The following VPS13D variants were observed in gnomAD, a reference collection of about 807,000 sequenced individuals.
VPS13D encodes vacuolar protein sorting 13 homolog D, also known as intermembrane lipid transfer protein VPS13D.
Under a neutral mutation model 461.9 loss-of-function variants are expected in VPS13D, and 187 were observed. That is an observed-to-expected ratio of 0.40 (90% CI 0.36 to 0.46). VPS13D has a LOEUF of 0.46. VPS13D is among the 20% of genes least tolerant of loss of function. VPS13D has a pLI of 0.60. For synonymous variants in VPS13D, 1,951 were observed against 1,986.3 expected (o/e 0.98, Z 0.47); for missense variants, 4,711 against 5,364.9 (o/e 0.88, Z 3.81).
At chr1:12,504,977 T>C (rs1266406901) in intron 68 of VPS13D, among the ~76,000 whole-genome samples, 2 of 152,158 alleles carry the variant, frequency 1.3e-5, no homozygotes, top group East Asian at 1.9e-4. Flanking sequence ...GAGGTGGAAG[T>C]GCCTGTGCTG....
intron 13 of VPS13D, among the ~76,000 whole-genome samples, chr1:12,263,367 G>A (rs1303997125): frequency 6.6e-6 from 1 of 152,202 alleles, no homozygotes; most frequent in Non-Finnish European, 1.5e-5. Flanking sequence ...AGGTGGGAAT[G>A]TGCATATCAG....
At chr1:12,327,965 A>G in intron 36 of VPS13D, 111 bp downstream of exon 36, 1 of 1,052,404 alleles carries the variant, frequency 9.5e-7, no homozygotes, top group South Asian at 1.7e-5. Context: ...ATTTGGGTGA[A>G]ATTTAGATAA....
At chr1:12,374,852 C>T (rs1644176930) in intron 55 of VPS13D, among the ~76,000 whole-genome samples, 1 of 152,206 alleles carries the variant, frequency 6.6e-6, no homozygotes, top group Non-Finnish European at 1.5e-5. Flanking sequence ...ATTCTCCTGC[C>T]TCAGCCTCCC....
intron 24 of VPS13D, among the ~76,000 whole-genome samples, chr1:12,295,078 C>T (rs187928292): frequency 1.3e-3 from 188 of 148,804 alleles, no homozygotes; most frequent in African/African-American, 4.3e-3. Flanking sequence ...AGAAATTAGC[C>T]GGGTGTGGTG....
At chr1:12,348,721 TAGTA>T in intron 44 of VPS13D, 98 bp from the exon 45 acceptor site, 1 of 1,381,872 alleles carries the variant, frequency 7.2e-7, no homozygotes, top group Non-Finnish European at 9.9e-7. Flanking sequence ...AGAACTATAG[TAGTA>T]ATAAGACACT....
chr1:12,262,622 G>A (rs759585488), intron 13 of VPS13D, among the ~76,000 whole-genome samples: 2 of 152,140 alleles, frequency 1.3e-5, no homozygotes, highest in Non-Finnish European at 2.9e-5. Flanking sequence ...AGTATTCTGA[G>A]CACTTTTAAG....
intron 39 of VPS13D, chr1:12,337,988 GAAAAA>G: frequency 1.3e-5 from 4 of 297,038 alleles, no homozygotes; most frequent in Non-Finnish European, 2.5e-5. Context: ...TCTAATTCAG[GAAAAA>G]AAAAAAAAAA....
chr1:12,349,968 A>G (rs1643760192), intron 46 of VPS13D, among the ~76,000 whole-genome samples: 1 of 152,184 alleles, frequency 6.6e-6, no homozygotes, highest in Admixed American at 6.5e-5. Context: ...TTTTATAGTG[A>G]AGACAGGCAT....
In VPS13D at chr1:12,323,657, T is replaced by G. The variant is rs753619245; in HGVS notation, c.7916-49T>G. ...TTTTTTCTAAAATTAGTTTGTAGAT[T>G]AATTTACATAAAATTATTTATGAAA... On this transcript the variant is annotated intron_variant, in intron 34 of 69. Transcript: ENST00000620676. 4 of 1,539,342 alleles carry G rather than the reference T, an allele frequency of 2.6e-6. No homozygotes were observed. The Admixed American group carries it at 5.1e-5, about 20-fold the overall frequency.
intron 13 of VPS13D, among the ~76,000 whole-genome samples, chr1:12,262,891 A>G (rs1000351454): frequency 1.3e-5 from 2 of 151,900 alleles, no homozygotes; most frequent in Non-Finnish European, 2.9e-5. Flanking sequence ...TTTAGTGGAG[A>G]CAAGGTATCG....
At chr1:12,404,107 A>C (rs1644616849) in intron 63 of VPS13D, 134 bp downstream of exon 63, 2 of 518,346 alleles carry the variant, frequency 3.9e-6, no homozygotes, top group Non-Finnish European at 5.6e-6. Context: ...CATAGCAGAC[A>C]TTTTATTTTT....
At chr1:12,319,225 T>C (rs1642967216) in intron 31 of VPS13D, among the ~76,000 whole-genome samples, 1 of 152,208 alleles carries the variant, frequency 6.6e-6, no homozygotes. Context: ...GGGGTGCAGT[T>C]TCTCTGTCTA....
intron 19 of VPS13D, among the ~76,000 whole-genome samples, chr1:12,278,494 C>T (rs1184956637): frequency 4.6e-5 from 7 of 152,094 alleles, no homozygotes; most frequent in Admixed American, 2.6e-4. Flanking sequence ...AGGCTGGTCT[C>T]GAACTCGTGA....
At chr1:12,465,796 T>C (rs1397403640) in intron 67 of VPS13D, among the ~76,000 whole-genome samples, 1 of 152,210 alleles carries the variant, frequency 6.6e-6, no homozygotes, top group South Asian at 2.1e-4. Context: ...AAGACTCTTT[T>C]GGGTCACCAG....
intron 65 of VPS13D, among the ~76,000 whole-genome samples, chr1:12,455,302 C>T (rs1490491003): frequency 6.6e-6 from 1 of 152,196 alleles, no homozygotes; most frequent in African/African-American, 2.4e-5. Flanking sequence ...TGATACCAAA[C>T]CCTAAAGCAA....
In VPS13D at chr1:12,385,344, A is replaced by G. The variant is rs1269396370; in HGVS notation, c.11455A>G (p.Lys3819Glu). 3 of 1,613,932 alleles carry G rather than the reference A, an allele frequency of 1.9e-6. No homozygotes were observed. The highest frequency in any genetic ancestry group is 2.5e-6 in the Non-Finnish European group (3 of 1,179,866). The change falls in exon 59 of 70, where the codon AAG becomes GAG. Residue 3819 changes from lysine (K) to glutamate (E), a missense_variant. By Grantham distance (56) the Lys-to-Glu change is moderately conservative. This residue lies in a region of VPS13D where 4,411 missense variants were observed against 4,937.8 expected (regional missense o/e 0.89). Coordinates refer to ENST00000620676, the MANE Select transcript of VPS13D (RefSeq NM_015378.4). Reference protein sequence around the residue: ...PVTEQELQKLKNPDTEQELEV... With the variant: ...PVTEQELQKLENPDTEQELEV... The stretch of plus-strand genomic sequence containing the variant: ...CACCGAACAAGAGCTGCAGAAATTA[A>G]AGAATCCAGATACAGAGCAGGAATT...
At chr1:12,306,185 C>A (rs965988878) in intron 26 of VPS13D, among the ~76,000 whole-genome samples, 2 of 152,058 alleles carry the variant, frequency 1.3e-5, no homozygotes, top group African/African-American at 2.4e-5. Context: ...GGGGTTTCAC[C>A]GTGTTAGCCA....
intron 3 of VPS13D, 59 bp downstream of exon 3, chr1:12,242,649 A>G: frequency 6.9e-7 from 1 of 1,450,170 alleles, no homozygotes. Context: ...GAGAGGTGAA[A>G]ACTGAGAGCC....
chr1:12,267,873 CT>C lies in VPS13D; in HGVS notation c.1758del (p.Phe586LeufsTer48). 2 of 1,614,140 alleles carry C rather than the reference CT, an allele frequency of 1.2e-6. No individual in the cohort carries two copies. Among genetic ancestry groups the C allele is most frequent in the Non-Finnish European group, 1.7e-6 (2 of 1,180,004 alleles). ...AAAGAAGTTGGCAGAGTCTCACAAT[CT>C]TTTGGTCTACAAACTACATCTGCAG... ...PQKEVGRVSQ[S>X]FGLQTTSADR... On this transcript the variant is annotated frameshift_variant, in exon 15 of 70. Transcript: ENST00000620676. LOFTEE classifies it high-confidence loss of function.
Sources: allele counts gnomAD v4.1 joint callset (sites outside exome capture counted in the v4.1 genomes callset), GRCh38; gene constraint gnomAD v4.1.1; regional missense constraint gnomAD v4.1.1; transcripts MANE v1.5; gene names NCBI Gene and HGNC (gene_info 2026-07-23, HGNC 2026-07-21).